GSTCD: variants seen among roughly 807,000 people sequenced by gnomAD.
The protein encoded by GSTCD is glutathione S-transferase C-terminal domain containing.
Under a neutral mutation model 68.3 loss-of-function variants are expected in GSTCD, and 44 were observed. The observed-to-expected ratio is 0.64, with a 90% CI of 0.51 to 0.83. The LOEUF is 0.83. GSTCD is among the 40% of genes least tolerant of loss of function. The pLI is 0.00. For missense variants in GSTCD, 739 were observed against 735.9 expected, an observed-to-expected ratio of 1.00 and a Z score of -0.05; for synonymous variants, 273 against 255.2, an observed-to-expected ratio of 1.07 and a Z score of -0.67.
intron 5 of GSTCD, among the ~76,000 whole-genome samples, chr4:105,733,881 G>A (rs1733350027): frequency 1.3e-5 from 2 of 152,132 alleles, no homozygotes; most frequent in Admixed American, 1.3e-4. Context: ...GGGCAGGCCT[G>A]GTGGTGACAA....
chr4:105,837,932 A>T (rs1015953723), intron 10 of GSTCD, 43 bp downstream of exon 10: 4 of 790,844 alleles, frequency 5.1e-6, no homozygotes, highest in Middle Eastern at 4.8e-4. Context: ...TACACTTTTT[A>T]TCCTTTATAT....
intron 5 of GSTCD, among the ~76,000 whole-genome samples, chr4:105,821,480 C>T (rs998881647): frequency 1.2e-4 from 18 of 151,788 alleles, no homozygotes; most frequent in Admixed American, 2.6e-4. Context: ...CTTTTAAAAG[C>T]TACATGAATC....
chr4:105,811,655 C>T (rs1183645667), intron 5 of GSTCD, among the ~76,000 whole-genome samples: 3 of 151,266 alleles, frequency 2.0e-5, no homozygotes, highest in Non-Finnish European at 2.9e-5. Flanking sequence ...ACAATGTGCA[C>T]ATGTACCCTA....
In GSTCD at chr4:105,825,693, G is replaced by A; in HGVS notation, c.1423G>A (p.Glu475Lys). The change falls in exon 8 of 12, where the codon GAA (glutamate) becomes AAA (lysine). Residue 475 changes from glutamate to lysine, a missense_variant. Physicochemically the swap from Glu to Lys is moderately conservative, Grantham distance 56. Coordinates refer to ENST00000515279, the MANE Select transcript of GSTCD (RefSeq NM_001370181.1). ...SCQVTLIENK[E>K]LSLIRAKKRS... ...CTAGGTTACATTAATAGAAAACAAG[G>A]AATTATCATTAATTCGTGCTAAGAA... The A allele has an allele frequency of 1.3e-6, 2 of 1,506,138 alleles. No homozygotes were observed. The highest frequency in any genetic ancestry group is 1.8e-6 in the Non-Finnish European group (2 of 1,084,870). The allele number at this position is 1,506,138 out of a possible 1,614,324, so 93.3% of individuals were successfully genotyped here.
intron 5 of GSTCD, among the ~76,000 whole-genome samples, chr4:105,818,490 G>A (rs1271932589): frequency 5.9e-5 from 9 of 151,690 alleles, no homozygotes; most frequent in Non-Finnish European, 1.3e-4. Context: ...GGCAAATATC[G>A]AAAGTAGCAG....
Position 105,726,638 on chromosome 4 carries a change from G to T in GSTCD, c.954G>T (p.Trp318Cys). 2 of 1,611,836 alleles carry T rather than the reference G, an allele frequency of 1.2e-6. No individual in the cohort carries two copies. Among genetic ancestry groups the T allele is most frequent in the Non-Finnish European group, 1.7e-6 (2 of 1,178,176 alleles). Residue 318 changes from tryptophan (W) to cysteine (C), a missense_variant, in exon 4 of 12, where the codon TGG becomes TGT. Coordinates refer to ENST00000515279, the MANE Select transcript of GSTCD (RefSeq NM_001370181.1). ...KLVEFPLLAS[W>C]YQRIQEVPGV... ...TAGAATTTCCATTGCTAGCCTCTTG[G>T]TACCAGAGGATTCAGGAAGTGCCAG...
intron 5 of GSTCD, among the ~76,000 whole-genome samples, chr4:105,814,972 T>C (rs185116328): frequency 1.5e-3 from 226 of 152,338 alleles, no homozygotes; most frequent in African/African-American, 5.1e-3. Context: ...GTGTTAACTT[T>C]TAAGTTTAAT....
Position 105,771,829 on chromosome 4 carries a change from C to T in GSTCD, c.1240+42330C>T, listed in dbSNP as rs552852300. On this transcript the variant is annotated intron_variant, in intron 5 of 11. Coordinates refer to ENST00000515279, the MANE Select transcript of GSTCD (RefSeq NM_001370181.1). ...GATGCCTCCAGATTTGTTCGTTTTG[C>T]TTAGGATTGTCTTGGCTATACAGGC... Among the ~76,000 whole-genome samples the T allele has an allele frequency of 9.2e-5, 14 of 152,254 alleles. No individual in the cohort carries two copies. The East Asian group carries it at 2.5e-3, about 27-fold the overall frequency.
chr4:105,795,834 G>A (rs866223743), intron 5 of GSTCD, among the ~76,000 whole-genome samples: 47 of 152,044 alleles, frequency 3.1e-4, no homozygotes, highest in African/African-American at 8.7e-4. Context: ...TTCCCTTGTC[G>A]ATGATGGCTT....
chr4:105,718,960 T>C, intron 2 of GSTCD, 100 bp from the exon 3 acceptor site: 1 of 878,118 alleles, frequency 1.1e-6, no homozygotes, highest in Non-Finnish European at 1.7e-6. Flanking sequence ...CCAGGGATGA[T>C]TGAGCTCAAA....
At chr4:105,838,085 T>A (rs1466319468) in intron 10 of GSTCD, among the ~76,000 whole-genome samples, 196 bp downstream of exon 10, 1 of 152,190 alleles carries the variant, frequency 6.6e-6, no homozygotes, top group Non-Finnish European at 1.5e-5. Flanking sequence ...TTGTGAAGGG[T>A]CTGAGATTTT....
At chr4:105,841,140 CCT>C (rs1428699989) in intron 10 of GSTCD, among the ~76,000 whole-genome samples, 1 of 151,886 alleles carries the variant, frequency 6.6e-6, no homozygotes, top group Non-Finnish European at 1.5e-5. Flanking sequence ...ATGGTGAAAC[CCT>C]GTCTCTACTA....
intron 5 of GSTCD, among the ~76,000 whole-genome samples, chr4:105,803,442 C>G (rs1049074370): frequency 6.6e-6 from 1 of 151,830 alleles, no homozygotes; most frequent in African/African-American, 2.4e-5. Flanking sequence ...ATCTCTATAA[C>G]CTGAGGGCAT....
At chr4:105,742,724 T>C (rs1251935925) in intron 5 of GSTCD, among the ~76,000 whole-genome samples, 23 of 98,594 alleles carry the variant, frequency 2.3e-4, no homozygotes, top group African/African-American at 6.7e-4. Flanking sequence ...TTTTTTTTTT[T>C]ATTTCTTAGA....
rs1732737330 is a variant in GSTCD at position 105,718,004 on chromosome 4, G to A, written c.391G>A (p.Gly131Ser). Reference protein sequence around the residue: ...PLKKELLELLGFKKTCLKACA... With the variant: ...PLKKELLELLSFKKTCLKACA... ...AAAGAAGGAACTTTTGGAACTTCTG[G>A]GCTTTAAAAAGACTTGCTTGAAAGC... The change falls in exon 2 of 12, where the codon GGC becomes AGC. Residue 131 changes from glycine (G) to serine (S), a missense_variant. Coordinates refer to ENST00000515279, the MANE Select transcript of GSTCD (RefSeq NM_001370181.1). 4 of 1,608,826 alleles carry A rather than the reference G, an allele frequency of 2.5e-6. No homozygotes were observed. Among genetic ancestry groups the A allele is most frequent in the Middle Eastern group, 1.7e-4 (1 of 6,022 alleles).
intron 5 of GSTCD, among the ~76,000 whole-genome samples, chr4:105,749,609 CA>C (rs796071636): frequency 5.4e-3 from 609 of 113,520 alleles, no homozygotes; most frequent in Non-Finnish European, 5.0e-3. Context: ...CATCCATAGG[CA>C]AAAAAAAAAA....
chr4:105,797,076 G>GTGTGTGTA (rs1553963658), intron 5 of GSTCD, among the ~76,000 whole-genome samples: 3 of 151,254 alleles, frequency 2.0e-5, no homozygotes, highest in African/African-American at 7.3e-5. Context: ...GTGTGTGTGT[G>GTGTGTGTA]TGTATGTGTG....
chr4:105,742,521 G>C (rs1026744793), intron 5 of GSTCD, among the ~76,000 whole-genome samples: 1 of 152,118 alleles, frequency 6.6e-6, no homozygotes, highest in African/African-American at 2.4e-5. Flanking sequence ...TGCATCATCT[G>C]CGGAATGGAG....
Position 105,719,453 on chromosome 4 carries a change from G to C in GSTCD, c.820G>C (p.Glu274Gln), listed in dbSNP as rs1459293299. The C allele has an allele frequency of 6.2e-7, 1 of 1,613,896 alleles. No homozygotes were observed. Among genetic ancestry groups the C allele is most frequent in the East Asian group, 2.2e-5 (1 of 44,888 alleles). ...KAKASDLPPLEHVFAEGLYFT... is the reference protein window; with the variant it reads ...KAKASDLPPLQHVFAEGLYFT... Reference sequence around the variant, plus strand: ...AAAAGCCTCCGACCTTCCACCTCTGGAGCATGTGTTTGCAGAAGGGCTTTA... The same window carrying C: ...AAAAGCCTCCGACCTTCCACCTCTGCAGCATGTGTTTGCAGAAGGGCTTTA... The change falls in exon 3 of 12, where the codon GAG becomes CAG. Residue 274 changes from glutamate (E) to glutamine (Q), a missense_variant. By Grantham distance (29) the Glu-to-Gln change is conservative. Coordinates refer to ENST00000515279, the MANE Select transcript of GSTCD (RefSeq NM_001370181.1).
Sources: gnomAD v4.1 joint callset for allele counts (sites outside exome capture counted in the v4.1 genomes callset) on GRCh38, gnomAD v4.1.1 for gene constraint, MANE v1.5 for transcripts, NCBI Gene and HGNC (gene_info 2026-07-23, HGNC 2026-07-21) for gene names.